The following ALK variants were observed in gnomAD, a reference collection of about 807,000 sequenced individuals.
ALK encodes the protein ALK receptor tyrosine kinase.
ALK carries 74 observed loss-of-function variants against 163.1 expected under a neutral mutation model. The ratio of observed to expected loss-of-function variants is 0.45; its 90% CI spans 0.38 to 0.55. ALK has a LOEUF of 0.55. ALK is among the 20% of genes least tolerant of loss of function. The probability of loss-of-function intolerance (pLI) is 0.00; values close to 1 mark genes in which losing one functional copy is unlikely to be tolerated. For missense variants in ALK, 2,063 were observed against 2,105.3 expected (o/e 0.98, Z 0.39); for synonymous variants, 960 against 843.2 (o/e 1.14, Z -2.40).
chr2:29,316,569 C>T (rs956419513), intron 8 of ALK, among the ~76,000 whole-genome samples: 1 of 152,084 alleles, frequency 6.6e-6, no homozygotes, highest in African/African-American at 2.4e-5. Flanking sequence ...ATATTAAACC[C>T]AGCGAAGAGT....
At chr2:29,558,670 T>C (rs1210478396) in intron 3 of ALK, among the ~76,000 whole-genome samples, 1 of 152,154 alleles carries the variant, frequency 6.6e-6, no homozygotes, top group Non-Finnish European at 1.5e-5. Flanking sequence ...GTTGGCCTTA[T>C]TCCCCTTTCC....
At chr2:29,626,599 G>A (rs2148233529) in intron 3 of ALK, among the ~76,000 whole-genome samples, 1 of 152,184 alleles carries the variant, frequency 6.6e-6, no homozygotes, top group African/African-American at 2.4e-5. Flanking sequence ...CTCCATGATG[G>A]GATTTGCGTC....
intron 1 of ALK, among the ~76,000 whole-genome samples, chr2:29,798,364 T>C (rs777865957): frequency 1.3e-5 from 2 of 152,188 alleles, no homozygotes; most frequent in African/African-American, 4.8e-5. Context: ...AGAAATCCCA[T>C]CAAAGGGAAA....
chr2:29,478,648 A>G (rs996976605), intron 4 of ALK, among the ~76,000 whole-genome samples: 1 of 152,246 alleles, frequency 6.6e-6, no homozygotes, highest in African/African-American at 2.4e-5. Context: ...TTACACTGCC[A>G]GGTGATTGAG....
At chr2:29,387,732 T>A (rs1308532762) in intron 4 of ALK, among the ~76,000 whole-genome samples, 5 of 152,004 alleles carry the variant, frequency 3.3e-5, no homozygotes, top group Admixed American at 3.3e-4. Flanking sequence ...CCCACAGAGG[T>A]GGGAGGAGAA....
Position 29,318,413 on chromosome 2 carries a change from G to C in ALK, c.1547-9C>G, listed in dbSNP as rs1407636031. The C allele has an allele frequency of 6.3e-7, 1 of 1,598,640 alleles. No homozygotes were observed. The highest frequency in any genetic ancestry group is 8.6e-7 in the Non-Finnish European group (1 of 1,165,924). ...GAGCAATAGAGCATGGTCTAGGAGA[G>C]AGGAAAAGAATCACAAGCACGCCAT... On this transcript the variant is annotated splice_polypyrimidine_tract_variant and intron_variant, in intron 7 of 28. Transcript: ENST00000389048.
chr2:29,736,380 G>A (rs1159104547), intron 1 of ALK, among the ~76,000 whole-genome samples: 1 of 151,648 alleles, frequency 6.6e-6, no homozygotes, highest in Non-Finnish European at 1.5e-5. Context: ...AAATAACCAT[G>A]TGTCATTTTT....
intron 3 of ALK, among the ~76,000 whole-genome samples, chr2:29,571,971 C>T (rs1242288966): frequency 6.6e-6 from 1 of 152,152 alleles, no homozygotes; most frequent in Non-Finnish European, 1.5e-5. Flanking sequence ...TATCTGCAAA[C>T]ACAAAGAAAG....
At position 29,823,952 on chromosome 2, in the gene ALK, TC is replaced by T. The variant is rs533013689; in HGVS notation, c.667+96040del. On this transcript the variant is annotated intron_variant, in intron 1 of 28. Coordinates refer to ENST00000389048, the MANE Select transcript of ALK (RefSeq NM_004304.5). The stretch of plus-strand genomic sequence containing the variant: ...CAGAGGTCTTCACAGCAGCCCCTCC[TC>T]CCCCCATCACAGGCCCAGAGGCCTA... 9.2e-4 allele frequency among the ~76,000 whole-genome samples: 140 copies of T among 152,192 alleles called. 1 individual carries two copies. The highest frequency in any genetic ancestry group is 3.1e-3 in the African/African-American group (129 of 41,530).
At chr2:29,380,441 G>A (rs1668867698) in intron 5 of ALK, among the ~76,000 whole-genome samples, 1 of 149,996 alleles carries the variant, frequency 6.7e-6, no homozygotes, top group Non-Finnish European at 1.5e-5. Flanking sequence ...CTTTTGAGAC[G>A]GAGTTTCACT....
At chr2:29,919,868 AAGG>A in intron 1 of ALK, 122 bp downstream of exon 1, 1 of 1,202,644 alleles carries the variant, frequency 8.3e-7, no homozygotes, top group Non-Finnish European at 1.2e-6. Context: ...TTGCGGGAGG[AAGG>A]AGGGCGATGA....
At chr2:29,840,211 G>A (rs959864405) in intron 1 of ALK, among the ~76,000 whole-genome samples, 2 of 152,164 alleles carry the variant, frequency 1.3e-5, no homozygotes, top group African/African-American at 4.8e-5. Flanking sequence ...AGAGTATTCA[G>A]TGTGCCTTGA....
chr2:29,518,642 G>A (rs933501678), intron 4 of ALK, among the ~76,000 whole-genome samples: 1 of 152,180 alleles, frequency 6.6e-6, no homozygotes, highest in African/African-American at 2.4e-5. Context: ...CAAGTCCCCT[G>A]ACCCCTTTGC....
intron 3 of ALK, among the ~76,000 whole-genome samples, chr2:29,646,304 C>G (rs896758616): frequency 6.6e-6 from 1 of 152,150 alleles, no homozygotes; most frequent in African/African-American, 2.4e-5. Flanking sequence ...AAAAACACCA[C>G]TCCTTACCAT....
chr2:29,509,201 C>A (rs994732018), intron 4 of ALK, among the ~76,000 whole-genome samples: 1 of 152,134 alleles, frequency 6.6e-6, no homozygotes. Context: ...GGACACTCAA[C>A]ATTTAAATAA....
At chr2:29,272,454 G>A (rs1043303831) in intron 11 of ALK, among the ~76,000 whole-genome samples, 1 of 152,216 alleles carries the variant, frequency 6.6e-6, no homozygotes, top group Non-Finnish European at 1.5e-5. Flanking sequence ...TGGGCCTGGA[G>A]GTGAAGAACC....
intron 4 of ALK, among the ~76,000 whole-genome samples, chr2:29,513,108 C>A (rs1263107416): frequency 6.6e-6 from 1 of 151,346 alleles, no homozygotes; most frequent in African/African-American, 2.5e-5. Flanking sequence ...CCGTCCCCAT[C>A]AAGCTACCAA....
chr2:29,892,229 CTG>C (rs1239314644), intron 1 of ALK: 1 of 152,178 alleles, frequency 6.6e-6, no homozygotes, highest in East Asian at 1.9e-4. Context: ...TTCCTCCAAT[CTG>C]AGAATATTCA....
chr2:29,636,393 A>T (rs1676533832), intron 3 of ALK, among the ~76,000 whole-genome samples: 1 of 151,874 alleles, frequency 6.6e-6, no homozygotes, highest in East Asian at 1.9e-4. Context: ...AAGATAAAGA[A>T]AAATGGAGAA....
Sources: allele counts gnomAD v4.1 joint callset (sites outside exome capture counted in the v4.1 genomes callset), GRCh38; gene constraint gnomAD v4.1.1; transcripts MANE v1.5; gene names NCBI Gene and HGNC (gene_info 2026-07-23, HGNC 2026-07-21).